The following FNBP1L variants were observed in gnomAD, a reference collection of about 807,000 sequenced individuals.
FNBP1L encodes formin-binding protein 1-like.
FNBP1L carries 36 observed loss-of-function variants against 91.2 expected under a neutral mutation model. The observed-to-expected ratio is 0.39, with a 90% CI of 0.30 to 0.52. The LOEUF is 0.52. Ranked by LOEUF, FNBP1L falls within the 20% of genes least tolerant of loss-of-function variation. The pLI is 0.66. For synonymous variants in FNBP1L, 242 were observed against 237.0 expected, an observed-to-expected ratio of 1.02 and a Z score of -0.19; for missense variants, 571 against 732.1, an observed-to-expected ratio of 0.78 and a Z score of 2.54.
intron 12 of FNBP1L, 58 bp from the exon 13 acceptor site, chr1:93,546,783 CT>C: frequency 5.7e-6 from 9 of 1,580,946 alleles, no homozygotes; most frequent in Non-Finnish European, 7.8e-6. Flanking sequence ...CAATAAAACT[CT>C]TTTATCTGGA....
chr1:93,536,278 G>A, intron 9 of FNBP1L, 54 bp from the exon 10 acceptor site: 1 of 1,258,126 alleles, frequency 7.9e-7, no homozygotes, highest in South Asian at 2.7e-5. Context: ...TTTTCATTTA[G>A]GAGAAAACTA....
At chr1:93,466,304 A>G (rs1669078382) in intron 1 of FNBP1L, among the ~76,000 whole-genome samples, 1 of 152,154 alleles carries the variant, frequency 6.6e-6, no homozygotes, top group African/African-American at 2.4e-5. Context: ...GGTATTGCCT[A>G]GGTTTTCTTC....
chr1:93,457,103 GGATCTTCTGGGCTCAAGT>G (rs1311390269), intron 1 of FNBP1L, among the ~76,000 whole-genome samples: 1 of 152,062 alleles, frequency 6.6e-6, no homozygotes, highest in African/African-American at 2.4e-5. Flanking sequence ...GCCCAGGCTG[GGATCTTCTGGGCTCAAGT>G]GATCCATCTG....
At chr1:93,482,124 T>G (rs1669727265) in intron 1 of FNBP1L, among the ~76,000 whole-genome samples, 1 of 152,272 alleles carries the variant, frequency 6.6e-6, no homozygotes. Flanking sequence ...ATCACATCAC[T>G]GCACTCCAGC....
intron 1 of FNBP1L, among the ~76,000 whole-genome samples, chr1:93,498,347 G>A (rs375148186): frequency 2.0e-5 from 3 of 152,150 alleles, no homozygotes; most frequent in Non-Finnish European, 4.4e-5. Flanking sequence ...CTAATTTACA[G>A]TAGTTTATAT....
chr1:93,486,312 A>C (rs1669901487), intron 1 of FNBP1L, among the ~76,000 whole-genome samples: 2 of 152,236 alleles, frequency 1.3e-5, no homozygotes, highest in South Asian at 4.1e-4. Context: ...AAAAAAAATC[A>C]GAATCACTTG....
chr1:93,533,211 T>C (rs1262620949), intron 8 of FNBP1L, 143 bp downstream of exon 8: 2 of 551,892 alleles, frequency 3.6e-6, no homozygotes, highest in Non-Finnish European at 5.8e-6. Flanking sequence ...TTGCAATAGA[T>C]TCCTTTGAGT....
At chr1:93,459,072 T>G (rs764260312) in intron 1 of FNBP1L, among the ~76,000 whole-genome samples, 1 of 152,078 alleles carries the variant, frequency 6.6e-6, no homozygotes, top group East Asian at 1.9e-4. Flanking sequence ...GCCAGAGATA[T>G]GAGACCAGCC....
intron 1 of FNBP1L, 118 bp downstream of exon 1, chr1:93,448,423 G>A (rs1668344783): frequency 8.6e-7 from 1 of 1,158,976 alleles, no homozygotes; most frequent in African/African-American, 1.7e-5. Flanking sequence ...TCCGGCGCTG[G>A]CGGAGGGTGA....
intron 16 of FNBP1L, 24 bp from the exon 17 acceptor site, chr1:93,552,385 T>G (rs746686934): frequency 1.7e-5 from 28 of 1,608,928 alleles, no homozygotes; most frequent in Non-Finnish European, 2.3e-5. Context: ...TAATTGTTCT[T>G]TTCTTTTTCC....
intron 5 of FNBP1L, 61 bp downstream of exon 5, chr1:93,524,384 C>T (rs1671429543): frequency 8.4e-7 from 1 of 1,188,252 alleles, no homozygotes; most frequent in Non-Finnish European, 1.1e-6. Flanking sequence ...GCCCTAAATA[C>T]TTTTATGCTT....
At chr1:93,450,902 C>G (rs1305771556) in intron 1 of FNBP1L, among the ~76,000 whole-genome samples, 1 of 152,172 alleles carries the variant, frequency 6.6e-6, no homozygotes, top group East Asian at 1.9e-4. Context: ...AATAGAACGG[C>G]TCTAATACTG....
At position 93,544,178 on chromosome 1, in the gene FNBP1L, T is replaced by A. The variant is rs1330782939; in HGVS notation, c.1236T>A (p.Asp412Glu). The A allele has an allele frequency of 6.2e-7, 1 of 1,612,090 alleles. No individual in the cohort carries two copies. The highest frequency in any genetic ancestry group is 8.5e-7 in the Non-Finnish European group (1 of 1,178,760). The change falls in exon 12 of 17, where the codon GAT (aspartate) becomes GAA (glutamate). Residue 412 changes from aspartate (D) to glutamate (E), a missense_variant. This residue lies in a region of FNBP1L where 150 missense variants were observed against 155.9 expected (regional missense o/e 0.96). Coordinates refer to ENST00000271234, the MANE Select transcript of FNBP1L (RefSeq NM_001164473.3). ...QRRKKLQQRI[D>E]ELNRELQKES... is the part of the protein sequence containing the mutation. Reference sequence around the variant, plus strand: ...GTAAAAAACTACAGCAGCGCATTGATGAACTTAACAGAGAACTACAGAAAG... The same window carrying A: ...GTAAAAAACTACAGCAGCGCATTGAAGAACTTAACAGAGAACTACAGAAAG...
chr1:93,491,556 TA>T (rs1459658444), intron 1 of FNBP1L, among the ~76,000 whole-genome samples: 1 of 152,186 alleles, frequency 6.6e-6, no homozygotes, highest in Non-Finnish European at 1.5e-5. Context: ...TAACCTAGTA[TA>T]AAAAAATTTT....
chr1:93,505,595 T>C (rs1459549609), intron 2 of FNBP1L, among the ~76,000 whole-genome samples: 1 of 152,232 alleles, frequency 6.6e-6, no homozygotes, highest in African/African-American at 2.4e-5. Context: ...GGTAAATATT[T>C]AGGCTAAATT....
At chr1:93,514,616 T>A (rs922583031) in intron 2 of FNBP1L, among the ~76,000 whole-genome samples, 3 of 152,230 alleles carry the variant, frequency 2.0e-5, no homozygotes, top group African/African-American at 7.2e-5. Context: ...TAACGCCGCA[T>A]GTCTACAGCT....
At chr1:93,516,363 A>G (rs1214610873) in intron 2 of FNBP1L, among the ~76,000 whole-genome samples, 3 of 152,150 alleles carry the variant, frequency 2.0e-5, no homozygotes, top group Admixed American at 6.5e-5. Context: ...ACCTGTTAAA[A>G]GCTCCCTCCT....
chr1:93,525,668 A>G (rs1671469485), intron 5 of FNBP1L, among the ~76,000 whole-genome samples: 1 of 152,162 alleles, frequency 6.6e-6, no homozygotes, highest in South Asian at 2.1e-4. Context: ...CTTTAGAACA[A>G]TTGACCGTTG....
chr1:93,488,012 T>C (rs1379679225), intron 1 of FNBP1L, among the ~76,000 whole-genome samples: 3 of 152,236 alleles, frequency 2.0e-5, no homozygotes, highest in Non-Finnish European at 4.4e-5. Context: ...TTGCCCAAAC[T>C]TGATCTCTTA....
Sources: gnomAD v4.1 joint callset for allele counts (sites outside exome capture counted in the v4.1 genomes callset) on GRCh38, gnomAD v4.1.1 for gene constraint, gnomAD v4.1.1 regional missense constraint, MANE v1.5 for transcripts, NCBI Gene and HGNC (gene_info 2026-07-23, HGNC 2026-07-21) for gene names.